Variants in CAPN7 observed in about 807,000 individuals in gnomAD.
CAPN7 encodes calpain 7, also known as calpain-7.
Under a neutral mutation model 115.2 loss-of-function variants are expected in CAPN7, and 72 were observed. That is an observed-to-expected ratio of 0.63 (90% CI 0.52 to 0.76). The LOEUF (loss-of-function observed/expected upper bound fraction) is 0.76. Among genes scored for constraint, CAPN7 ranks in the 30% least tolerant of loss-of-function variants. CAPN7 has a pLI of 0.00. For missense variants in CAPN7, 905 were observed against 971.5 expected (o/e 0.93, Z 0.91); for synonymous variants, 344 against 322.3 (o/e 1.07, Z -0.72).
chr3:15,212,692 G>A (rs1000401019), intron 2 of CAPN7, among the ~76,000 whole-genome samples: 1 of 152,136 alleles, frequency 6.6e-6, no homozygotes, highest in African/African-American at 2.4e-5. Flanking sequence ...TGTAAACAGA[G>A]ACTTGGAACT....
chr3:15,245,798 C>A, intron 17 of CAPN7, 127 bp downstream of exon 17: 2 of 658,030 alleles, frequency 3.0e-6, no homozygotes, highest in Non-Finnish European at 4.7e-6. Flanking sequence ...TTTTTTTGTG[C>A]TTATCATTTT....
intron 16 of CAPN7, among the ~76,000 whole-genome samples, chr3:15,244,109 C>T (rs1351299427): frequency 2.0e-5 from 3 of 152,128 alleles, no homozygotes; most frequent in African/African-American, 4.8e-5. Flanking sequence ...TGCAAGAAAG[C>T]TGTGCAAAGA....
chr3:15,229,622 C>G (rs200670964), intron 8 of CAPN7, among the ~76,000 whole-genome samples: 1 of 119,354 alleles, frequency 8.4e-6, no homozygotes, highest in African/African-American at 3.3e-5. Context: ...GTTGCCCAGG[C>G]TGGAGTGCAA....
At chr3:15,226,466 T>C (rs1373641246) in intron 6 of CAPN7, among the ~76,000 whole-genome samples, 1 of 152,208 alleles carries the variant, frequency 6.6e-6, no homozygotes, top group African/African-American at 2.4e-5. Context: ...TTATGGAATC[T>C]TGGATTTATG....
rs755284198 is a variant in CAPN7, at chr3:15,220,312, C to T, written c.438-469C>T. ...TCTACTTAGAATGCTTCCTCACTGC[C>T]CAGGTGAACAACTCTGCAGCTCAAG... On this transcript the variant is annotated intron_variant, in intron 4 of 20. Transcript: ENST00000253693. Among the ~76,000 whole-genome samples, 10 of 152,202 alleles carry T rather than the reference C, an allele frequency of 6.6e-5. No individual in the cohort carries two copies. In the South Asian group the frequency reaches 2.1e-3, roughly 31 times the overall value.
chr3:15,232,441 GGTATGTTTTTATTTCTT>G (rs2124962189), intron 9 of CAPN7, 61 bp from the exon 10 acceptor site: 2 of 1,135,912 alleles, frequency 1.8e-6, no homozygotes, highest in South Asian at 3.1e-5. Flanking sequence ...CAGTATGAAA[GGTATGTTTTTATTTCTT>G]GATAGAAAGG....
rs769051278 is a variant in CAPN7, at chr3:15,230,547, C to T, written c.1032+12C>T. ...GTGTCCCAAGAAAGGTGAATAATGTCTCTCCCCACTCCCATCCCTTGTCTC... is the reference window on the plus strand; with the variant it reads ...GTGTCCCAAGAAAGGTGAATAATGTTTCTCCCCACTCCCATCCCTTGTCTC... On this transcript the variant is annotated intron_variant, in intron 9 of 20. Coordinates refer to ENST00000253693, the MANE Select transcript of CAPN7 (RefSeq NM_014296.3). 1.4e-6 allele frequency: 2 copies of T among 1,463,632 alleles called. No homozygotes were observed. The highest frequency in any genetic ancestry group is 1.1e-5 in the South Asian group (1 of 87,458). 90.7% of individuals were successfully genotyped at this position (1,463,632 alleles called of 1,614,324 possible).
intron 7 of CAPN7, 59 bp from the exon 8 acceptor site, chr3:15,228,915 T>G: frequency 8.0e-7 from 1 of 1,250,708 alleles, no homozygotes; most frequent in Non-Finnish European, 1.2e-6. Flanking sequence ...GTACGTATAT[T>G]GCGGTAATGT....
chr3:15,245,555 C>T lies in CAPN7; in HGVS notation c.1894C>T (p.Arg632Ter), dbSNP rs1217269605. The T allele has an allele frequency of 5.0e-6, 8 of 1,613,506 alleles. No individual in the cohort carries two copies. Among genetic ancestry groups the T allele is most frequent in the African/African-American group, 2.7e-5 (2 of 74,968 alleles). ...ADPPPYIDGI[R>*]INSPHYLTKI... Reference sequence around the variant, plus strand: ...CCCACCTCCATACATTGATGGAATTCGAATTAACAGCCCTCATTATTTGAC... The same window carrying T: ...CCCACCTCCATACATTGATGGAATTTGAATTAACAGCCCTCATTATTTGAC... Residue 632 changes from arginine (R) to a stop codon, truncating the protein, a stop_gained, in exon 17 of 21, where the codon CGA (arginine) becomes TGA (stop). Coordinates refer to ENST00000253693, the MANE Select transcript of CAPN7 (RefSeq NM_014296.3). LOFTEE classifies it high-confidence loss of function.
rs114148981 is a variant in CAPN7, at chr3:15,223,464, G to A, written c.639-11G>A. ...ACTTGAACATTTAGGTTTTTTTCTCGTGTTTGATAGGACAACATCAAAAAT... is the reference window on the plus strand; with the variant it reads ...ACTTGAACATTTAGGTTTTTTTCTCATGTTTGATAGGACAACATCAAAAAT... On this transcript the variant is annotated splice_polypyrimidine_tract_variant and intron_variant, in intron 5 of 20. Transcript: ENST00000253693. 1.7e-3 allele frequency: 2,688 copies of A among 1,554,876 alleles called. 26 individuals carry two copies. The African/African-American group carries it at 0.024, about 14-fold the overall frequency.
At chr3:15,211,006 A>G in intron 1 of CAPN7, 1 of 941,144 alleles carries the variant, frequency 1.1e-6, no homozygotes, top group Non-Finnish European at 1.3e-6. Context: ...AGGAGAATGG[A>G]AACACCACCT....
intron 12 of CAPN7, among the ~76,000 whole-genome samples, chr3:15,236,657 C>T (rs777077705): frequency 2.6e-5 from 4 of 152,210 alleles, no homozygotes; most frequent in Admixed American, 6.5e-5. Flanking sequence ...GTACAGCCTA[C>T]TATACACCCA....
chr3:15,243,208 A>T (rs1332748277), intron 16 of CAPN7, among the ~76,000 whole-genome samples: 1 of 152,210 alleles, frequency 6.6e-6, no homozygotes, highest in Non-Finnish European at 1.5e-5. Context: ...TATTTTTGGG[A>T]CAGAGAACAG....
At chr3:15,238,108 CTTTTTTTTTTTTT>C (rs34203410) in intron 12 of CAPN7, among the ~76,000 whole-genome samples, 4 of 58,188 alleles carry the variant, frequency 6.9e-5, no homozygotes, top group Non-Finnish European at 8.9e-5. Flanking sequence ...ATTCTGACTT[CTTTTTTTTTTTTT>C]TTTTTTTTTT....
intron 2 of CAPN7, among the ~76,000 whole-genome samples, chr3:15,213,868 G>T (rs1213595133): frequency 1.3e-5 from 2 of 149,678 alleles, no homozygotes; most frequent in Non-Finnish European, 2.9e-5. Context: ...GTGAAATAGA[G>T]TTCAAAAAGG....
chr3:15,230,207 A>G (rs1694601682), intron 8 of CAPN7, among the ~76,000 whole-genome samples: 1 of 152,204 alleles, frequency 6.6e-6, no homozygotes, highest in African/African-American at 2.4e-5. Flanking sequence ...AGCACTTTTC[A>G]GAGTATTTTG....
At chr3:15,239,747 GTAAA>G (rs943571722) in intron 12 of CAPN7, among the ~76,000 whole-genome samples, 4 of 152,136 alleles carry the variant, frequency 2.6e-5, no homozygotes, top group Non-Finnish European at 5.9e-5. Context: ...TTACATATGA[GTAAA>G]TGAATGTTCA....
intron 16 of CAPN7, among the ~76,000 whole-genome samples, chr3:15,242,679 A>G (rs1212697377): frequency 6.6e-6 from 1 of 152,168 alleles, no homozygotes; most frequent in African/African-American, 2.4e-5. Context: ...CTACTCCAGA[A>G]TACACCATGC....
At chr3:15,213,879 ATT>A (rs113975216) in intron 2 of CAPN7, among the ~76,000 whole-genome samples, 105 of 137,318 alleles carry the variant, frequency 7.6e-4, no homozygotes, top group African/African-American at 2.1e-3. Flanking sequence ...TTCAAAAAGG[ATT>A]TTTTTTTTTT....
Sources: gnomAD v4.1 joint callset for allele counts (sites outside exome capture counted in the v4.1 genomes callset) on GRCh38, gnomAD v4.1.1 for gene constraint, MANE v1.5 for transcripts, NCBI Gene and HGNC (gene_info 2026-07-23, HGNC 2026-07-21) for gene names.